Variants in CLDN14 observed in about 807,000 individuals in gnomAD.
The protein encoded by CLDN14 is claudin-14.
A neutral mutation model predicts 2.1 loss-of-function variants in CLDN14; 2 were observed. That is an observed-to-expected ratio of 0.96 (90% confidence interval 0.39 to 3.01). The LOEUF is 3.01. Ranked by LOEUF, CLDN14 falls within the 30% of genes most tolerant of loss-of-function variation. The pLI, the probability that CLDN14 is intolerant of heterozygous loss-of-function variation, is 0.09. For synonymous variants in CLDN14, 136 were observed against 154.4 expected, an observed-to-expected ratio of 0.88 and a Z score of 0.88; for missense variants, 298 against 328.0, an observed-to-expected ratio of 0.91 and a Z score of 0.71.
chr21:36,517,469 C>T (rs1831368763), intron 1 of CLDN14, among the ~76,000 whole-genome samples: 1 of 152,200 alleles, frequency 6.6e-6, no homozygotes, highest in Admixed American at 6.5e-5. Flanking sequence ...TGCTGCCAAT[C>T]TTTTGGCAAC....
At chr21:36,471,424 A>C (rs2086709156) in intron 1 of CLDN14, among the ~76,000 whole-genome samples, 1 of 152,222 alleles carries the variant, frequency 6.6e-6, no homozygotes, top group Non-Finnish European at 1.5e-5. Context: ...AAAGTGTGTG[A>C]ATTCACTTAG....
chr21:36,529,238 T>C (rs2087359838), intron 1 of CLDN14, among the ~76,000 whole-genome samples: 1 of 152,170 alleles, frequency 6.6e-6, no homozygotes, highest in South Asian at 2.1e-4. Context: ...GTACGTAGCT[T>C]ATTTTGTTTA....
chr21:36,518,070 A>G (rs2087241473), intron 1 of CLDN14, among the ~76,000 whole-genome samples: 1 of 73,978 alleles, frequency 1.4e-5, no homozygotes, highest in African/African-American at 4.9e-5. Context: ...CTCCACTTAC[A>G]TACGTACACA....
intron 2 of CLDN14, among the ~76,000 whole-genome samples, chr21:36,488,946 C>A (rs981926296): frequency 6.6e-6 from 1 of 150,984 alleles, no homozygotes; most frequent in East Asian, 1.9e-4. Flanking sequence ...CTGGCCAACA[C>A]GGTGAATACA....
intron 1 of CLDN14, among the ~76,000 whole-genome samples, chr21:36,547,049 C>T (rs147393855): frequency 1.1e-3 from 163 of 152,302 alleles, no homozygotes; most frequent in Non-Finnish European, 1.7e-3. Context: ...CGATCAGCCT[C>T]AAATGGCCAT....
intron 1 of CLDN14, among the ~76,000 whole-genome samples, chr21:36,546,873 A>C (rs2087529384): frequency 6.6e-6 from 1 of 152,214 alleles, no homozygotes; most frequent in South Asian, 2.1e-4. Flanking sequence ...TACATTTAAA[A>C]GTGATGTTGC....
At chr21:36,493,014 A>C (rs2086983727) in intron 2 of CLDN14, among the ~76,000 whole-genome samples, 1 of 152,198 alleles carries the variant, frequency 6.6e-6, no homozygotes, top group African/African-American at 2.4e-5. Context: ...GATCGCAAAG[A>C]AGCATCTCAA....
intron 2 of CLDN14, among the ~76,000 whole-genome samples, chr21:36,506,987 G>A (rs979784152): frequency 6.6e-6 from 1 of 152,020 alleles, no homozygotes; most frequent in African/African-American, 2.4e-5. Flanking sequence ...CCTGAGCATG[G>A]TGGTGTGTAC....
intron 1 of CLDN14, among the ~76,000 whole-genome samples, chr21:36,470,310 C>G (rs553917213): frequency 6.6e-6 from 1 of 152,158 alleles, no homozygotes; most frequent in South Asian, 2.1e-4. Flanking sequence ...TAGAGTGGCC[C>G]CTAAGCCAAT....
At chr21:36,510,224 C>G (rs1249222850) in intron 2 of CLDN14, 1 of 152,276 alleles carries the variant, frequency 6.6e-6, no homozygotes, top group Non-Finnish European at 1.5e-5. Context: ...CCCTCAGAGG[C>G]AGTGTCAGTA....
intron 1 of CLDN14, among the ~76,000 whole-genome samples, chr21:36,561,758 A>G (rs2087636663): frequency 6.6e-6 from 1 of 152,032 alleles, no homozygotes; most frequent in Non-Finnish European, 1.5e-5. Context: ...TAAGACCCAC[A>G]CATCTCATGG....
chr21:36,515,789 C>CTCTTTTTTTT lies in CLDN14; in HGVS notation c.-219-5290_-219-5289insAAAAAAAAGA, dbSNP rs777338181. 8.3e-3 allele frequency among the ~76,000 whole-genome samples: 962 copies of CTCTTTTTTTT among 115,258 alleles called. 40 individuals are homozygous for CTCTTTTTTTT. Among genetic ancestry groups the CTCTTTTTTTT allele is most frequent in the Non-Finnish European group, 0.011 (682 of 59,308 alleles). The allele number at this position is 115,258 out of a possible 152,430, so 75.6% of individuals were successfully genotyped here. On this transcript the variant is annotated intron_variant, in intron 1 of 2. Transcript: ENST00000342108. ...AAGCTGTGTTTCCCTTTTATCTTCT[C>CTCTTTTTTTT]TTTTTTTTTTTTTTTGAGACAGAGT...
At chr21:36,525,714 C>G (rs1352700181) in intron 1 of CLDN14, among the ~76,000 whole-genome samples, 1 of 152,152 alleles carries the variant, frequency 6.6e-6, no homozygotes, top group African/African-American at 2.4e-5. Flanking sequence ...CATGGTGAAG[C>G]CGAGGCTCTG....
intron 1 of CLDN14, among the ~76,000 whole-genome samples, chr21:36,517,611 G>T (rs1308123059): frequency 6.6e-6 from 1 of 152,172 alleles, no homozygotes; most frequent in Non-Finnish European, 1.5e-5. Context: ...ATATTTAGTA[G>T]GCAGGGACTA....
intron 2 of CLDN14, chr21:36,485,997 C>T: frequency 6.8e-7 from 1 of 1,461,384 alleles, no homozygotes; most frequent in South Asian, 1.1e-5. Flanking sequence ...TTCTTGTCTT[C>T]CTCCTTCTTG....
At chr21:36,568,238 G>T (rs1009885658) in intron 1 of CLDN14, among the ~76,000 whole-genome samples, 1 of 152,066 alleles carries the variant, frequency 6.6e-6, no homozygotes, top group Non-Finnish European at 1.5e-5. Context: ...GTGGACAAAG[G>T]GTTCTACTTG....
At chr21:36,561,574 C>T (rs370532712) in intron 1 of CLDN14, among the ~76,000 whole-genome samples, 2 of 152,172 alleles carry the variant, frequency 1.3e-5, no homozygotes, top group East Asian at 3.8e-4. Flanking sequence ...CTCTGCCACA[C>T]GCAGCTCTTC....
upstream of CLDN14, among the ~76,000 whole-genome samples, chr21:36,485,037 A>C (rs979145316): frequency 6.7e-6 from 1 of 149,472 alleles, no homozygotes; most frequent in African/African-American, 2.4e-5. Context: ...TAATGGGCTC[A>C]TCTTAACTTG....
At chr21:36,482,784 C>G (rs184109768), upstream of CLDN14, among the ~76,000 whole-genome samples, 2 of 152,144 alleles carry the variant, frequency 1.3e-5, no homozygotes, top group Non-Finnish European at 2.9e-5. Flanking sequence ...GTGAAAGTCA[C>G]GACGCTTCCA....
Sources: allele counts gnomAD v4.1 joint callset (sites outside exome capture counted in the v4.1 genomes callset), GRCh38; gene constraint gnomAD v4.1.1; transcripts MANE v1.5; gene names NCBI Gene and HGNC (gene_info 2026-07-23, HGNC 2026-07-21).